NLK: variants seen among roughly 807,000 people sequenced by gnomAD.
NLK encodes nemo like kinase.
Under a neutral mutation model 59.0 loss-of-function variants are expected in NLK, and 11 were observed. The ratio of observed to expected loss-of-function variants is 0.19; its 90% CI spans 0.12 to 0.31. The LOEUF is 0.31. Ranked by LOEUF, NLK falls within the 10% of genes least tolerant of loss-of-function variation. NLK has a pLI of 1.00. For missense variants in NLK, 410 were observed against 661.1 expected, an observed-to-expected ratio of 0.62 and a Z score of 4.16; for synonymous variants, 235 against 235.9, an observed-to-expected ratio of 1.00 and a Z score of 0.03.
At chr17:28,126,975 A>G (rs1248214543) in intron 2 of NLK, among the ~76,000 whole-genome samples, 1 of 152,176 alleles carries the variant, frequency 6.6e-6, no homozygotes, top group East Asian at 1.9e-4. Flanking sequence ...TCCTGTCAGA[A>G]AAATGCACAT....
intron 3 of NLK, among the ~76,000 whole-genome samples, chr17:28,152,526 C>A (rs543806365): frequency 6.6e-6 from 1 of 152,266 alleles, no homozygotes; most frequent in East Asian, 1.9e-4. Context: ...ATAACCTGTT[C>A]TTCGCATCCA....
chr17:28,138,546 T>C (rs1302248446), intron 3 of NLK, among the ~76,000 whole-genome samples: 3 of 152,056 alleles, frequency 2.0e-5, no homozygotes, highest in Non-Finnish European at 2.9e-5. Flanking sequence ...CCAGTAAGAG[T>C]CTCTAGTGCT....
intron 1 of NLK, among the ~76,000 whole-genome samples, chr17:28,094,944 T>C (rs551318914): frequency 6.6e-6 from 1 of 152,184 alleles, no homozygotes; most frequent in East Asian, 1.9e-4. Flanking sequence ...CAGAGGTAGT[T>C]CTCAGTCCAC....
intron 3 of NLK, among the ~76,000 whole-genome samples, chr17:28,151,913 T>C (rs1200370624): frequency 4.6e-5 from 7 of 152,228 alleles, no homozygotes; most frequent in Admixed American, 1.3e-4. Flanking sequence ...TGAGAAATTA[T>C]GTACGTGTGT....
intron 1 of NLK, among the ~76,000 whole-genome samples, chr17:28,056,128 G>A (rs1909435222): frequency 6.6e-6 from 1 of 152,176 alleles, no homozygotes; most frequent in African/African-American, 2.4e-5. Flanking sequence ...ATGCGTGGGT[G>A]TGTTTGTAGT....
intron 1 of NLK, among the ~76,000 whole-genome samples, chr17:28,049,099 T>C (rs1909159676): frequency 6.6e-6 from 1 of 152,236 alleles, no homozygotes; most frequent in African/African-American, 2.4e-5. Context: ...GTTGTAACAC[T>C]GTCAGTGAGC....
chr17:28,065,812 C>T (rs1909805468), intron 1 of NLK, among the ~76,000 whole-genome samples: 1 of 152,064 alleles, frequency 6.6e-6, no homozygotes, highest in African/African-American at 2.4e-5. Flanking sequence ...GGTATATAAC[C>T]TTTGTTGGGC....
intron 1 of NLK, among the ~76,000 whole-genome samples, chr17:28,106,369 T>C (rs150150127): frequency 1.3e-5 from 2 of 152,322 alleles, no homozygotes; most frequent in East Asian, 3.9e-4. Flanking sequence ...ACTTCTTTTG[T>C]AAAATTGAGG....
chr17:28,191,887 C>T (rs774726782), intron 9 of NLK, among the ~76,000 whole-genome samples: 1 of 152,208 alleles, frequency 6.6e-6, no homozygotes, highest in Non-Finnish European at 1.5e-5. Flanking sequence ...ACTCTTCCCA[C>T]TGATGGGGTT....
chr17:28,101,204 G>C (rs554494830), intron 1 of NLK, among the ~76,000 whole-genome samples: 1 of 152,276 alleles, frequency 6.6e-6, no homozygotes, highest in African/African-American at 2.4e-5. Flanking sequence ...TTGAAATCAA[G>C]TAGTATAAAT....
intron 1 of NLK, among the ~76,000 whole-genome samples, chr17:28,045,347 T>C (rs1270664137): frequency 6.6e-6 from 1 of 152,224 alleles, no homozygotes; most frequent in African/African-American, 2.4e-5. Context: ...GGTTAATTGA[T>C]CTAGTCAGGT....
chr17:28,092,673 G>A (rs746278046), intron 1 of NLK, among the ~76,000 whole-genome samples: 19 of 152,038 alleles, frequency 1.2e-4, no homozygotes, highest in East Asian at 1.9e-4. Flanking sequence ...TAACAAGTTC[G>A]GGGAGATAAT....
chr17:28,169,361 G>A (rs756128565), intron 6 of NLK, among the ~76,000 whole-genome samples: 3 of 152,150 alleles, frequency 2.0e-5, no homozygotes, highest in Non-Finnish European at 4.4e-5. Flanking sequence ...TAAATTTTTA[G>A]TGTGTTGATT....
At chr17:28,118,361 TTATTA>T (rs1427318738) in intron 1 of NLK, among the ~76,000 whole-genome samples, 2 of 152,190 alleles carry the variant, frequency 1.3e-5, no homozygotes, top group Non-Finnish European at 2.9e-5. Context: ...AGCACTCTTT[TTATTA>T]TATTATGTAT....
At chr17:28,192,013 A>C (rs1909322476) in intron 9 of NLK, 107 bp from the exon 10 acceptor site, 1 of 607,798 alleles carries the variant, frequency 1.6e-6, no homozygotes, top group East Asian at 2.9e-5. Flanking sequence ...TGATTTAACT[A>C]AACCAGTAGG....
intron 1 of NLK, among the ~76,000 whole-genome samples, chr17:28,071,402 GTTCCA>G (rs946004858): frequency 2.0e-5 from 3 of 147,248 alleles, no homozygotes; most frequent in African/African-American, 5.0e-5. Flanking sequence ...AAAGTTGAGT[GTTCCA>G]TTCCATGAAC....
At chr17:28,057,867 C>A (rs1909495642) in intron 1 of NLK, among the ~76,000 whole-genome samples, 1 of 152,092 alleles carries the variant, frequency 6.6e-6, no homozygotes, top group African/African-American at 2.4e-5. Flanking sequence ...AGTACAAAGC[C>A]TTGAGAAATA....
chr17:28,179,218 A>T (rs1908799540), intron 7 of NLK, among the ~76,000 whole-genome samples: 1 of 151,984 alleles, frequency 6.6e-6, no homozygotes, highest in Non-Finnish European at 1.5e-5. Context: ...TGGCAAAAAT[A>T]TTTCCAAATG....
chr17:28,152,938 A>AT (rs1221309746), intron 3 of NLK, among the ~76,000 whole-genome samples: 1 of 151,292 alleles, frequency 6.6e-6, no homozygotes, highest in Non-Finnish European at 1.5e-5. Context: ...GTACGTCAGG[A>AT]TTTTTTTATT....
Sources: allele counts gnomAD v4.1 joint callset (sites outside exome capture counted in the v4.1 genomes callset), GRCh38; gene constraint gnomAD v4.1.1; transcripts MANE v1.5; gene names NCBI Gene and HGNC (gene_info 2026-07-23, HGNC 2026-07-21).